DERA: variants seen among roughly 807,000 people sequenced by gnomAD.
DERA encodes the protein 2-deoxy-D-ribose 5-phosphate aldolase.
In DERA, 15 loss-of-function variants were observed where a neutral mutation model predicts 41.1. The ratio of observed to expected loss-of-function variants is 0.37; its 90% CI spans 0.24 to 0.56. The LOEUF is 0.56. Among genes scored for constraint, DERA ranks in the 20% least tolerant of loss-of-function variants. The pLI is 0.81. For synonymous variants in DERA, 139 were observed against 137.4 expected (o/e 1.01, Z -0.08); for missense variants, 396 against 403.4 (o/e 0.98, Z 0.16).
intron 1 of DERA, among the ~76,000 whole-genome samples, chr12:15,919,241 CCTG>C (rs966032280): frequency 6.6e-6 from 1 of 151,828 alleles, no homozygotes; most frequent in African/African-American, 2.4e-5. Context: ...CTCTGCGGTG[CCTG>C]CTAAGTTAAA....
intron 6 of DERA, among the ~76,000 whole-genome samples, chr12:16,025,053 A>C (rs1949044071): frequency 6.6e-6 from 1 of 152,128 alleles, no homozygotes; most frequent in Admixed American, 6.5e-5. Context: ...GGCAGTCACT[A>C]AAATATGTAC....
rs986708914 is a variant in DERA, at chr12:15,911,667, T to C, written c.31+253T>C. 2 of 684,992 alleles carry C rather than the reference T, an allele frequency of 2.9e-6. No individual in the cohort carries two copies. Among genetic ancestry groups the C allele is most frequent in the Admixed American group, 2.0e-5 (1 of 49,406 alleles). The allele number at this position is 684,992 out of a possible 1,614,324, so 42.4% of individuals were successfully genotyped here. On this transcript the variant is annotated intron_variant, in intron 1 of 8. Transcript: ENST00000428559. This position sits in a 1 kb window ranked among gnomAD's most constrained non-coding sequence, Gnocchi z 4.5. ...AGTAGGAAAGGGTTAGATTATTATC[T>C]TCCTGCCTTTTCGTTCACTCTAGCT... is the stretch of plus-strand genomic sequence containing the variant.
chr12:15,932,735 A>G (rs1223086880), intron 1 of DERA, among the ~76,000 whole-genome samples: 1 of 152,214 alleles, frequency 6.6e-6, no homozygotes, highest in Non-Finnish European at 1.5e-5. Flanking sequence ...AACGATTTTC[A>G]GGAATACAAT....
intron 1 of DERA, among the ~76,000 whole-genome samples, chr12:15,948,787 A>C (rs1413228313): frequency 6.6e-6 from 1 of 152,002 alleles, no homozygotes; most frequent in Non-Finnish European, 1.5e-5. Context: ...GATTTTTAGA[A>C]TTTTCAGCTT....
At chr12:15,978,340 G>A (rs779974622) in intron 5 of DERA, among the ~76,000 whole-genome samples, 1 of 152,142 alleles carries the variant, frequency 6.6e-6, no homozygotes, top group African/African-American at 2.4e-5. Context: ...GCTTTCATAA[G>A]TATTAGGACA....
chr12:15,916,729 G>T (rs750551164), intron 1 of DERA, among the ~76,000 whole-genome samples: 18 of 152,084 alleles, frequency 1.2e-4, no homozygotes, highest in Non-Finnish European at 2.2e-4. Context: ...GGGATTACAG[G>T]CATGAGCCGT....
At chr12:15,955,038 GC>G (rs1380820393) in intron 1 of DERA, among the ~76,000 whole-genome samples, 6 of 152,064 alleles carry the variant, frequency 3.9e-5, no homozygotes, top group Admixed American at 2.6e-4. Flanking sequence ...AGTGGCTCAT[GC>G]CTGTAATCCC....
In DERA at chr12:16,020,413, T is replaced by C. The variant is rs1013428090; in HGVS notation, c.638-12129T>C. Among the ~76,000 whole-genome samples the C allele has an allele frequency of 2.0e-5, 3 of 152,000 alleles. No homozygotes were observed. The highest frequency in any genetic ancestry group is 4.4e-5 in the Non-Finnish European group (3 of 67,982). On this transcript the variant is annotated intron_variant, in intron 6 of 8. Coordinates refer to ENST00000428559, the MANE Select transcript of DERA (RefSeq NM_015954.4). The surrounding 1 kb of genome is among the most constrained non-coding windows in gnomAD (Gnocchi z 5.5). ...TCTTCCTACCAGAGACACCTGAACA[T>C]TGGGGTGGGGGTTACAATTTGACAT...
In DERA at chr12:16,036,047, A is replaced by G. The variant is rs142493957; in HGVS notation, c.751-185A>G. Reference sequence around the variant, plus strand: ...GTGACATTCTTCCAAAAATCTTGGAAAAGTTGTTTTGTAGTGTGAATGAGC... The same window carrying G: ...GTGACATTCTTCCAAAAATCTTGGAGAAGTTGTTTTGTAGTGTGAATGAGC... On this transcript the variant is annotated intron_variant, in intron 7 of 8. Transcript: ENST00000428559. This position sits in a 1 kb window ranked among gnomAD's most constrained non-coding sequence, Gnocchi z 4.9. 4.6e-4 allele frequency among the ~76,000 whole-genome samples: 70 copies of G among 152,288 alleles called. 2 individuals carry two copies. In the East Asian group the frequency reaches 0.013, roughly 29 times the overall value.
In DERA at chr12:16,036,772, CT is replaced by C; in HGVS notation, c.*29del. ...ATCAGTCACCAGTTCCAGAAAAGTT[CT>C]TTACGACAATGTTTAAAAATTATTT... is the stretch of plus-strand genomic sequence containing the variant. On this transcript the variant is annotated 3_prime_UTR_variant, in exon 9 of 9. Transcript: ENST00000428559. The surrounding 1 kb of genome is among the most constrained non-coding windows in gnomAD (Gnocchi z 4.9). The C allele has an allele frequency of 6.6e-7, 1 of 1,520,238 alleles. No individual in the cohort carries two copies. The highest frequency in any genetic ancestry group is 8.9e-7 in the Non-Finnish European group (1 of 1,119,064). The allele number at this position is 1,520,238 out of a possible 1,614,324, so 94.2% of individuals were successfully genotyped here.
At chr12:15,953,851 G>A (rs557181155) in intron 1 of DERA, among the ~76,000 whole-genome samples, 10 of 152,332 alleles carry the variant, frequency 6.6e-5, no homozygotes, top group Admixed American at 5.9e-4. Context: ...TTAAAGAGTA[G>A]CAAATTAAGT....
At position 15,957,124 on chromosome 12, in the gene DERA, C is replaced by A; in HGVS notation, c.129+91C>A. 1.1e-6 allele frequency: 1 copy of A among 928,050 alleles called. No homozygotes were observed. The allele number at this position is 928,050 out of a possible 1,614,324, so 57.5% of individuals were successfully genotyped here. A position where few individuals can be genotyped will look rare whatever the true frequency, so the allele number is the denominator to read the frequency against. On this transcript the variant is annotated intron_variant, in intron 2 of 8. Coordinates refer to ENST00000428559, the MANE Select transcript of DERA (RefSeq NM_015954.4). The surrounding 1 kb of genome is among the most constrained non-coding windows in gnomAD (Gnocchi z 4.8). Reference sequence around the variant, plus strand: ...ACAATATTGAATTTCACTCAAGATGCATCTAAACTTAAAAGATTGCAGCTG... The same window carrying A: ...ACAATATTGAATTTCACTCAAGATGAATCTAAACTTAAAAGATTGCAGCTG...
At chr12:16,025,836 A>C (rs1399158906) in intron 6 of DERA, among the ~76,000 whole-genome samples, 1 of 152,134 alleles carries the variant, frequency 6.6e-6, no homozygotes, top group Non-Finnish European at 1.5e-5. Context: ...AAAGACTGAA[A>C]ATCACACAAA....
rs982465434 is a variant in DERA, at chr12:15,923,560, A to G, written c.31+12146A>G. On this transcript the variant is annotated intron_variant, in intron 1 of 8. Coordinates refer to ENST00000428559, the MANE Select transcript of DERA (RefSeq NM_015954.4). Reference sequence around the variant, plus strand: ...ATTTTCAGCCCTATCTCTGATGACTAGACACATTATATTTTCTCTTTCTCT... The same window carrying G: ...ATTTTCAGCCCTATCTCTGATGACTGGACACATTATATTTTCTCTTTCTCT... 3.3e-5 allele frequency among the ~76,000 whole-genome samples: 5 copies of G among 152,156 alleles called. No individual in the cohort carries two copies. The East Asian group carries it at 9.6e-4, about 29-fold the overall frequency.
intron 5 of DERA, among the ~76,000 whole-genome samples, chr12:15,980,214 C>T (rs1191374493): frequency 2.6e-5 from 4 of 152,166 alleles, no homozygotes; most frequent in African/African-American, 7.2e-5. Context: ...TTCCTGGTAA[C>T]CCTGTAAAGT....
chr12:15,978,457 G>C (rs1948713087), intron 5 of DERA, among the ~76,000 whole-genome samples: 1 of 152,100 alleles, frequency 6.6e-6, no homozygotes, highest in Non-Finnish European at 1.5e-5. Context: ...CTAAATGCCT[G>C]GTTCTATTCT....
At chr12:15,925,872 G>T (rs888152531) in intron 1 of DERA, among the ~76,000 whole-genome samples, 1 of 130,488 alleles carries the variant, frequency 7.7e-6, no homozygotes, top group African/African-American at 2.9e-5. Context: ...CTGTCACCCA[G>T]GCTGGAGTAC....
At chr12:15,979,693 G>C (rs1460408250) in intron 5 of DERA, among the ~76,000 whole-genome samples, 1 of 152,222 alleles carries the variant, frequency 6.6e-6, no homozygotes, top group Non-Finnish European at 1.5e-5. Context: ...GTTAAAGAAT[G>C]AGAAGACATT....
At chr12:15,926,012 G>A (rs1480995199) in intron 1 of DERA, among the ~76,000 whole-genome samples, 2 of 151,370 alleles carry the variant, frequency 1.3e-5, no homozygotes, top group African/African-American at 4.9e-5. Context: ...TAGTAGAGTC[G>A]GGGTTTCACT....
Sources: gnomAD v4.1 joint callset for allele counts (sites outside exome capture counted in the v4.1 genomes callset) on GRCh38, gnomAD v4.1.1 for gene constraint, Gnocchi (gnomAD v3.1) non-coding constraint, MANE v1.5 for transcripts, NCBI Gene and HGNC (gene_info 2026-07-23, HGNC 2026-07-21) for gene names.